Variants in WRAP53 observed in about 807,000 individuals in gnomAD.
The protein encoded by WRAP53 is WD repeat containing antisense to TP53.
A neutral mutation model predicts 56.6 loss-of-function variants in WRAP53; 28 were observed. That is an observed-to-expected ratio of 0.50 (90% confidence interval 0.37 to 0.68). The LOEUF is 0.68. Among genes scored for constraint, WRAP53 ranks in the 30% least tolerant of loss-of-function variants. The pLI is 0.00. For missense variants in WRAP53, 671 were observed against 715.5 expected, an observed-to-expected ratio of 0.94 and a Z score of 0.71; for synonymous variants, 283 against 283.4, an observed-to-expected ratio of 1.00 and a Z score of 0.01.
rs957516090 is a variant in WRAP53, at chr17:7,701,397, G to A, written c.732-62G>A. 6 of 1,576,782 alleles carry A rather than the reference G, an allele frequency of 3.8e-6. No individual in the cohort carries two copies. The highest frequency in any genetic ancestry group is 5.2e-6 in the Non-Finnish European group (6 of 1,146,316). On this transcript the variant is annotated intron_variant, in intron 5 of 10. Transcript: ENST00000396463. This position sits in a 1 kb window ranked among gnomAD's most constrained non-coding sequence, Gnocchi z 4.2. ...TGGGATTACAGGCATGAGCCACTGT[G>A]CCCGGCCATTCCTCCCCTTCCTTTG...
At chr17:7,697,688 G>A (rs2151092338) in intron 4 of WRAP53, among the ~76,000 whole-genome samples, 1 of 152,090 alleles carries the variant, frequency 6.6e-6, no homozygotes, top group East Asian at 1.9e-4. Flanking sequence ...AAGAAAATGG[G>A]CAAAATTTAT....
chr17:7,702,728 G>C lies in WRAP53; in HGVS notation c.1165-15G>C, dbSNP rs754184055. 1 of 1,612,762 alleles carries C rather than the reference G, an allele frequency of 6.2e-7. No individual in the cohort carries two copies. Among genetic ancestry groups the C allele is most frequent in the South Asian group, 1.1e-5 (1 of 91,082 alleles). On this transcript the variant is annotated splice_polypyrimidine_tract_variant and intron_variant, in intron 8 of 10. Transcript: ENST00000396463. The surrounding 1 kb of genome is among the most constrained non-coding windows in gnomAD (Gnocchi z 5.0). ...GGCTTTGGGGGTGACTCCAGGTCCTGTTCCTTGTCTCCAGGATGCTGAGCT... is the reference window on the plus strand; with the variant it reads ...GGCTTTGGGGGTGACTCCAGGTCCTCTTCCTTGTCTCCAGGATGCTGAGCT...
chr17:7,692,131 C>T (rs561827154), intron 4 of WRAP53, among the ~76,000 whole-genome samples: 126 of 151,762 alleles, frequency 8.3e-4, no homozygotes, highest in African/African-American at 2.6e-3. Flanking sequence ...TGAGCCACTG[C>T]GCCCGGCCAA....
intron 4 of WRAP53, among the ~76,000 whole-genome samples, chr17:7,693,076 T>A (rs1400851943): frequency 6.6e-6 from 1 of 151,934 alleles, no homozygotes; most frequent in Non-Finnish European, 1.5e-5. Context: ...CCTCACTGCA[T>A]CTCTTAGCAG....
rs774300170 is a variant in WRAP53, at chr17:7,702,705, C to G, written c.1165-38C>G. 1.6e-5 allele frequency: 25 copies of G among 1,609,416 alleles called. No homozygotes were observed. Among genetic ancestry groups the G allele is most frequent in the Non-Finnish European group, 2.0e-5 (24 of 1,178,646 alleles). ...CCGAGGGAGGCAGGGACATCCAGGG[C>G]TTTGGGGGTGACTCCAGGTCCTGTT... On this transcript the variant is annotated intron_variant, in intron 8 of 10. Transcript: ENST00000396463. This position sits in a 1 kb window ranked among gnomAD's most constrained non-coding sequence, Gnocchi z 5.0.
intron 4 of WRAP53, among the ~76,000 whole-genome samples, chr17:7,695,113 G>A (rs1020538804): frequency 6.6e-6 from 1 of 151,994 alleles, no homozygotes; most frequent in East Asian, 1.9e-4. Context: ...CTGCCACCAC[G>A]CCAGGCTAAT....
chr17:7,687,626 G>A (rs2074031685), upstream of WRAP53: 1 of 398,934 alleles, frequency 2.5e-6, no homozygotes, highest in African/African-American at 2.1e-5. Context: ...CCTGCCGGAG[G>A]AAGCAAAGGA....
chr17:7,696,413 C>T (rs1597413402), intron 4 of WRAP53, among the ~76,000 whole-genome samples: 1 of 151,060 alleles, frequency 6.6e-6, no homozygotes, highest in Non-Finnish European at 1.5e-5. Context: ...ATTCTCCTGC[C>T]TCAGCCTCCC....
chr17:7,686,694 G>A (rs1279129701), upstream of WRAP53: 5 of 152,302 alleles, frequency 3.3e-5, no homozygotes, highest in Admixed American at 6.5e-5. Flanking sequence ...ATGTAAATGT[G>A]GAGCCAAACA....
At position 7,689,465 on chromosome 17, in the gene WRAP53, GT is replaced by G. The variant is rs2074078373; in HGVS notation, c.531-122del. 3.2e-6 allele frequency: 4 copies of G among 1,257,222 alleles called. No individual in the cohort carries two copies. The Admixed American group carries it at 7.6e-5, about 24-fold the overall frequency. 77.9% of individuals were successfully genotyped at this position (1,257,222 alleles called of 1,614,324 possible). On this transcript the variant is annotated intron_variant, in intron 3 of 10. Transcript: ENST00000396463. ...GACTGAGCTTACATTTTATCTAGCA[GT>G]TTGTGTCTTCTACTTCCCTCAAGGA...
upstream of WRAP53, chr17:7,687,284 C>A (rs561258067): frequency 7.5e-6 from 3 of 398,450 alleles, no homozygotes; most frequent in East Asian, 7.1e-5. Flanking sequence ...CACTGCCCCA[C>A]CCCCAGCCCC....
chr17:7,697,889 A>G (rs973187999), intron 4 of WRAP53, among the ~76,000 whole-genome samples: 2 of 146,110 alleles, frequency 1.4e-5, no homozygotes, highest in African/African-American at 5.3e-5. Context: ...TTTTTTGGAG[A>G]CAGGATCTTG....
chr17:7,702,847 G>GT lies in WRAP53; in HGVS notation c.1268+2dup. On this transcript the variant is annotated splice_donor_variant, in intron 9 of 10. Coordinates refer to ENST00000396463, the MANE Select transcript of WRAP53 (RefSeq NM_001143992.2). LOFTEE classifies it high-confidence loss of function. This position sits in a 1 kb window ranked among gnomAD's most constrained non-coding sequence, Gnocchi z 5.0. ...AGCGCATCTACTTCGATCTGGACCC[G>GT]TGAGTGGCTGTGACTCCTTCCTACA... 2 of 1,613,804 alleles carry GT rather than the reference G, an allele frequency of 1.2e-6. No homozygotes were observed. Among genetic ancestry groups the GT allele is most frequent in the Non-Finnish European group, 1.7e-6 (2 of 1,179,960 alleles).
rs1597422592 is a variant in WRAP53, at chr17:7,702,684, G to A, written c.1165-59G>A. On this transcript the variant is annotated intron_variant, in intron 8 of 10. Transcript: ENST00000396463. This position sits in a 1 kb window ranked among gnomAD's most constrained non-coding sequence, Gnocchi z 5.0. Reference sequence around the variant, plus strand: ...CTGAAGGAGTGCCTGGAGACCCCGAGGGAGGCAGGGACATCCAGGGCTTTG... The same window carrying A: ...CTGAAGGAGTGCCTGGAGACCCCGAAGGAGGCAGGGACATCCAGGGCTTTG... 6.2e-7 allele frequency: 1 copy of A among 1,602,936 alleles called. No homozygotes were observed. Among genetic ancestry groups the A allele is most frequent in the South Asian group, 1.1e-5 (1 of 90,976 alleles).
intron 4 of WRAP53, among the ~76,000 whole-genome samples, chr17:7,699,817 C>T (rs561080666): frequency 1.3e-5 from 2 of 151,396 alleles, no homozygotes; most frequent in African/African-American, 4.8e-5. Context: ...TCACTGTGGT[C>T]TCTATCTCCT....
At chr17:7,700,674 C>T (rs777943410) in intron 4 of WRAP53, 67 bp from the exon 5 acceptor site, 10 of 1,085,904 alleles carry the variant, frequency 9.2e-6, no homozygotes, top group Non-Finnish European at 1.4e-5. Flanking sequence ...CACAACACTG[C>T]TAGAGGCACG....
intron 4 of WRAP53, among the ~76,000 whole-genome samples, chr17:7,697,710 C>G (rs575773318): frequency 5.9e-5 from 9 of 151,976 alleles, no homozygotes; most frequent in African/African-American, 2.2e-4. Context: ...AAAAGGTGTA[C>G]CTAACTAAAT....
Position 7,700,721 on chromosome 17 carries a change from A to G in WRAP53, c.643-20A>G, listed in dbSNP as rs753790148. On this transcript the variant is annotated intron_variant, in intron 4 of 10. Transcript: ENST00000396463. ...CCTTTTCCCTCCGAGTGACTCAGCCATTCCCCCGTCTCTGTATAGGTCCCT... is the reference window on the plus strand; with the variant it reads ...CCTTTTCCCTCCGAGTGACTCAGCCGTTCCCCCGTCTCTGTATAGGTCCCT... 5.7e-6 allele frequency: 9 copies of G among 1,592,434 alleles called. No individual in the cohort carries two copies. The highest frequency in any genetic ancestry group is 1.7e-5 in the Admixed American group (1 of 59,940).
At chr17:7,692,775 C>CA (rs1278098226) in intron 4 of WRAP53, among the ~76,000 whole-genome samples, 3 of 100,172 alleles carry the variant, frequency 3.0e-5, no homozygotes, top group Admixed American at 1.3e-4. Flanking sequence ...TTTTTTGAGA[C>CA]AGAGTCTCGC....
Sources: gnomAD v4.1 joint callset for allele counts (sites outside exome capture counted in the v4.1 genomes callset) on GRCh38, gnomAD v4.1.1 for gene constraint, Gnocchi (gnomAD v3.1) non-coding constraint, MANE v1.5 for transcripts, NCBI Gene and HGNC (gene_info 2026-07-23, HGNC 2026-07-21) for gene names.